Variants in MSH5 observed in about 807,000 individuals in gnomAD.
MSH5 encodes mutS homolog 5.
A neutral mutation model predicts 107.7 loss-of-function variants in MSH5; 78 were observed. The ratio of observed to expected loss-of-function variants is 0.72; its 90% CI spans 0.60 to 0.87. The LOEUF (loss-of-function observed/expected upper bound fraction) is 0.87. MSH5 is among the 40% of genes least tolerant of loss of function. The pLI is 0.00. For missense variants in MSH5, 889 were observed against 1,046.6 expected (o/e 0.85, Z 2.08); for synonymous variants, 326 against 399.5 (o/e 0.82, Z 2.19).
intron 10 of MSH5, 114 bp from the exon 11 acceptor site, chr6:31,753,187 A>C: frequency 7.7e-7 from 1 of 1,302,992 alleles, no homozygotes; most frequent in Non-Finnish European, 1.1e-6. Context: ...CCCATAGCAC[A>C]TCGTGGATAC....
Position 31,761,643 on chromosome 6 carries a change from G to A in MSH5, c.2181+28G>A, listed in dbSNP as rs748383898. The A allele has an allele frequency of 6.2e-7, 1 of 1,613,862 alleles. No homozygotes were observed. The highest frequency in any genetic ancestry group is 8.5e-7 in the Non-Finnish European group (1 of 1,179,990). ...GAGGAGACCAATCTAGCTCCTCGGG[G>A]ACCCCCAGGCTGGGCATTTCCCAGA... On this transcript the variant is annotated intron_variant, in intron 22 of 24. Transcript: ENST00000375750. The surrounding 1 kb of genome is among the most constrained non-coding windows in gnomAD (Gnocchi z 5.3).
chr6:31,751,058 G>A, intron 10 of MSH5, among the ~76,000 whole-genome samples: 1 of 152,094 alleles, frequency 6.6e-6, no homozygotes, highest in East Asian at 1.9e-4. Flanking sequence ...ATCCTGGAGT[G>A]CAGTGGCCTG....
At chr6:31,747,312 G>T in intron 9 of MSH5, 75 bp from the exon 10 acceptor site, 1 of 1,534,994 alleles carries the variant, frequency 6.5e-7, no homozygotes, top group South Asian at 1.1e-5. Flanking sequence ...GGATGCCTCA[G>T]CTTAGACACA....
chr6:31,747,459 A>C, intron 10 of MSH5, 27 bp downstream of exon 10: 1 of 1,610,174 alleles, frequency 6.2e-7, no homozygotes, highest in Non-Finnish European at 8.5e-7. Context: ...CATACTACAC[A>C]CTAATGCATG....
chr6:31,753,791 C>T (rs1223863665), intron 12 of MSH5, 162 bp downstream of exon 12: 2 of 659,338 alleles, frequency 3.0e-6, no homozygotes, highest in African/African-American at 1.8e-5. Context: ...TGCCATGGGG[C>T]GATCTTGGCT....
chr6:31,748,641 C>T (rs984976266), intron 10 of MSH5, among the ~76,000 whole-genome samples: 2 of 151,920 alleles, frequency 1.3e-5, no homozygotes, highest in African/African-American at 2.4e-5. Context: ...TGCGCCTGGC[C>T]GTCACTCCAC....
intron 10 of MSH5, among the ~76,000 whole-genome samples, chr6:31,752,705 C>T (rs1305912744): frequency 7.4e-6 from 1 of 134,488 alleles, no homozygotes; most frequent in Non-Finnish European, 1.5e-5. Context: ...GGCGACAAAG[C>T]GAGACTCTGT....
At chr6:31,754,855 G>A (rs1562238689) in intron 12 of MSH5, among the ~76,000 whole-genome samples, 2 of 150,038 alleles carry the variant, frequency 1.3e-5, no homozygotes, top group Admixed American at 6.7e-5. Context: ...AGGTTCAAGC[G>A]ATTCTCCTGC....
Position 31,758,149 on chromosome 6 carries a change from T to G in MSH5, c.1015-16T>G, listed in dbSNP as rs1452381433. On this transcript the variant is annotated splice_polypyrimidine_tract_variant and intron_variant, in intron 12 of 24. Coordinates refer to ENST00000375750, the MANE Select transcript of MSH5 (RefSeq NM_172166.4). This position sits in a 1 kb window ranked among gnomAD's most constrained non-coding sequence, Gnocchi z 5.1. ...GCTGGATGTGGCCTGTCCTCCTTTT[T>G]GTGTTTCTCTCACAGACTGTGTACA... The G allele has an allele frequency of 1.9e-6, 3 of 1,612,964 alleles. No individual in the cohort carries two copies. Among genetic ancestry groups the G allele is most frequent in the Middle Eastern group, 1.7e-4 (1 of 6,060 alleles).
chr6:31,743,794 T>A (rs1809136350), intron 5 of MSH5, 110 bp from the exon 6 acceptor site: 2 of 1,482,366 alleles, frequency 1.3e-6, no homozygotes, highest in African/African-American at 2.8e-5. Flanking sequence ...ACTGCCTGTG[T>A]GAGCTTGGGC....
At position 31,761,270 on chromosome 6, in the gene MSH5, G is replaced by A. The variant is rs764285742; in HGVS notation, c.2037+8G>A. 3 of 1,613,002 alleles carry A rather than the reference G, an allele frequency of 1.9e-6. No individual in the cohort carries two copies. The highest frequency in any genetic ancestry group is 2.5e-6 in the Non-Finnish European group (3 of 1,179,596). On this transcript the variant is annotated splice_region_variant and intron_variant, in intron 21 of 24. Coordinates refer to ENST00000375750, the MANE Select transcript of MSH5 (RefSeq NM_172166.4). The surrounding 1 kb of genome is among the most constrained non-coding windows in gnomAD (Gnocchi z 5.3). ...GGAAAGGGAACCAACACGGTGAGGG[G>A]AGAAACTGATGAGGGGAGAAACTAA... is the stretch of plus-strand genomic sequence containing the variant.
chr6:31,744,315 C>T lies in MSH5; in HGVS notation c.647+16C>T. ...AATTTATGTTGTAGGTGATTCACCC[C>T]AACCCCAACCAAAGTAATGTGGGAT... is the stretch of plus-strand genomic sequence containing the variant. On this transcript the variant is annotated intron_variant, in intron 7 of 24. Transcript: ENST00000375750. 6.2e-7 allele frequency: 1 copy of T among 1,613,934 alleles called. No individual in the cohort carries two copies.
rs1406170685 is a variant in MSH5 at position 31,753,355 on chromosome 6, CG to C, written c.868del (p.Val290SerfsTer29). The C allele has an allele frequency of 6.2e-7, 1 of 1,614,040 alleles. No homozygotes were observed. Among genetic ancestry groups the C allele is most frequent in the African/African-American group, 1.3e-5 (1 of 74,916 alleles). On this transcript the variant is annotated frameshift_variant, in exon 11 of 25. Transcript: ENST00000375750. LOFTEE classifies it high-confidence loss of function. Reference sequence around the variant, plus strand: ...TGGGGGAGCTCAGTTCTCGTCTGGACGTCATTCAGTTTTTTCTGCTGCCCCA... The same window carrying C: ...TGGGGGAGCTCAGTTCTCGTCTGGACTCATTCAGTTTTTTCTGCTGCCCCA... ...DLGELSSRLD[V>X]IQFFLLPQNL...
At chr6:31,747,951 C>T (rs1467514550) in intron 10 of MSH5, among the ~76,000 whole-genome samples, 1 of 151,504 alleles carries the variant, frequency 6.6e-6, no homozygotes, top group Non-Finnish European at 1.5e-5. Context: ...TTGCAGTGAG[C>T]CAAGATTGTG....
chr6:31,747,340 C>T (rs1263658630), intron 9 of MSH5, 47 bp from the exon 10 acceptor site: 1 of 1,600,160 alleles, frequency 6.2e-7, no homozygotes, highest in Non-Finnish European at 8.6e-7. Context: ...ATTCCATTCC[C>T]TGTCCCTGCC....
At chr6:31,754,003 G>A (rs1429654844) in intron 12 of MSH5, 2 of 190,382 alleles carry the variant, frequency 1.1e-5, no homozygotes, top group Non-Finnish European at 2.2e-5. Flanking sequence ...TGGGATTACA[G>A]GTGTGAACCA....
intron 9 of MSH5, among the ~76,000 whole-genome samples, 160 bp downstream of exon 9, chr6:31,745,479 C>G (rs1809351559): frequency 6.6e-6 from 1 of 152,118 alleles, no homozygotes; most frequent in African/African-American, 2.4e-5. Flanking sequence ...CCCCGCCCCC[C>G]AAGCTTGAGC....
intron 10 of MSH5, among the ~76,000 whole-genome samples, chr6:31,747,728 G>A (rs1442809838): frequency 1.3e-5 from 2 of 152,056 alleles, no homozygotes; most frequent in African/African-American, 2.4e-5. Context: ...ATGTAAGGCC[G>A]GGCACAGTGG....
intron 8 of MSH5, among the ~76,000 whole-genome samples, chr6:31,744,799 T>C (rs1033464529): frequency 2.0e-5 from 3 of 152,012 alleles, no homozygotes; most frequent in Non-Finnish European, 4.4e-5. Context: ...CAAAGAAAAG[T>C]AAGGGACAAA....
Sources: gnomAD v4.1 joint callset for allele counts (sites outside exome capture counted in the v4.1 genomes callset) on GRCh38, gnomAD v4.1.1 for gene constraint, Gnocchi (gnomAD v3.1) non-coding constraint, MANE v1.5 for transcripts, NCBI Gene and HGNC (gene_info 2026-07-23, HGNC 2026-07-21) for gene names.